Variants in TMEM94 observed in about 807,000 individuals in gnomAD.
The protein encoded by TMEM94 is transmembrane protein 94.
A neutral mutation model predicts 158.6 loss-of-function variants in TMEM94; 81 were observed. That is an observed-to-expected ratio of 0.51 (90% CI 0.43 to 0.61). The LOEUF is 0.61. Among genes scored for constraint, TMEM94 ranks in the 20% least tolerant of loss-of-function variants. The pLI, the probability that TMEM94 is intolerant of heterozygous loss-of-function variation, is 0.00. For synonymous variants in TMEM94, 751 were observed against 730.7 expected, an observed-to-expected ratio of 1.03 and a Z score of -0.45; for missense variants, 1,435 against 1,762.0, an observed-to-expected ratio of 0.81 and a Z score of 3.32.
chr17:75,465,941 C>G (rs1236687225), intron 1 of TMEM94, among the ~76,000 whole-genome samples: 2 of 151,698 alleles, frequency 1.3e-5, no homozygotes, highest in Non-Finnish European at 2.9e-5. Flanking sequence ...TTTTTAGAGG[C>G]AGGATCTTAC....
rs1438759280 is a variant in TMEM94, at chr17:75,498,171, G to A, written c.3490-4G>A. 8.1e-6 allele frequency: 13 copies of A among 1,613,652 alleles called. No individual in the cohort carries two copies. The highest frequency in any genetic ancestry group is 3.3e-5 in the Admixed American group (2 of 60,012). ...CCCAGGAGTGACTGGCCTTGTTCCC[G>A]CAGACCCAGCACTACTTCCTGCTCT... On this transcript the variant is annotated splice_polypyrimidine_tract_variant and splice_region_variant and intron_variant, in intron 27 of 31. Coordinates refer to ENST00000314256, the MANE Select transcript of TMEM94 (RefSeq NM_014738.6). This position sits in a 1 kb window ranked among gnomAD's most constrained non-coding sequence, Gnocchi z 6.7.
chr17:75,485,906 C>A lies in TMEM94; in HGVS notation c.180C>A (p.Asn60Lys). ...VWRSSFLHHS[N>K]RCSCFHWPGA... ...GAAGCAGCTTCCTCCACCACAGTAA[C>A]CGCTGCTCCTGCTTCCACTGGCCGG... Residue 60 changes from asparagine (N) to lysine (K), a missense_variant, in exon 4 of 32, where the codon AAC becomes AAA. Asn to Lys is a moderately conservative substitution (Grantham distance 94). This residue lies in a region of TMEM94 where 1,051 missense variants were observed against 1,254.4 expected (regional missense o/e 0.84). Transcript: ENST00000314256. The surrounding 1 kb of genome is among the most constrained non-coding windows in gnomAD (Gnocchi z 5.5). 3 of 1,613,516 alleles carry A rather than the reference C, an allele frequency of 1.9e-6. No individual in the cohort carries two copies. Among genetic ancestry groups the A allele is most frequent in the Non-Finnish European group, 2.5e-6 (3 of 1,179,808 alleles).
intron 1 of TMEM94, among the ~76,000 whole-genome samples, chr17:75,462,827 C>CA (rs1235590470): frequency 0.023 from 2,442 of 104,730 alleles, 78 homozygotes; most frequent in African/African-American, 0.082. Context: ...CTTGTGTCTA[C>CA]AAAAAAAAAA....
chr17:75,492,452 CT>C lies in TMEM94; in HGVS notation c.1597-21del. 1 of 1,557,782 alleles carries C rather than the reference CT, an allele frequency of 6.4e-7. No individual in the cohort carries two copies. The highest frequency in any genetic ancestry group is 8.7e-7 in the Non-Finnish European group (1 of 1,148,284). On this transcript the variant is annotated intron_variant, in intron 14 of 31. Coordinates refer to ENST00000314256, the MANE Select transcript of TMEM94 (RefSeq NM_014738.6). The surrounding 1 kb of genome is among the most constrained non-coding windows in gnomAD (Gnocchi z 4.4). ...CCCCACACCCTATCCCGGGCTGAGG[CT>C]CTCCTCCACATTTCCCCCAGACCCA...
Position 75,499,689 on chromosome 17 carries a change from C to T in TMEM94, c.*355C>T. On this transcript the variant is annotated 3_prime_UTR_variant, in exon 32 of 32. Coordinates refer to ENST00000314256, the MANE Select transcript of TMEM94 (RefSeq NM_014738.6). The stretch of plus-strand genomic sequence containing the variant: ...GGAGATCCCTTGCCCCCCAGTGCCT[C>T]TGCTCGTGGGTCCCTGGACACGGCC... 4.1e-6 allele frequency: 1 copy of T among 246,404 alleles called. No homozygotes were observed. Among genetic ancestry groups the T allele is most frequent in the South Asian group, 6.3e-5 (1 of 15,818 alleles). 15.3% of individuals were successfully genotyped at this position (246,404 alleles called of 1,614,324 possible). A position where few individuals can be genotyped will look rare whatever the true frequency, so the allele number is the denominator to read the frequency against.
At position 75,499,531 on chromosome 17, in the gene TMEM94, C is replaced by T. The variant is rs1246104541; in HGVS notation, c.*197C>T. ...ACTGTGGAGGAGCTGACGGCCTGGG[C>T]CCTTGGCCAGTCCTGGCTCTTCCCT... On this transcript the variant is annotated 3_prime_UTR_variant, in exon 32 of 32. Transcript: ENST00000314256. 3.3e-6 allele frequency: 2 copies of T among 608,714 alleles called. No homozygotes were observed. The highest frequency in any genetic ancestry group is 3.7e-5 in the African/African-American group (2 of 54,028). 37.7% of individuals were successfully genotyped at this position (608,714 alleles called of 1,614,324 possible).
chr17:75,475,922 CT>C (rs1469656766), intron 2 of TMEM94, among the ~76,000 whole-genome samples: 1 of 152,212 alleles, frequency 6.6e-6, no homozygotes, highest in Non-Finnish European at 1.5e-5. Context: ...GCTGCCTGGC[CT>C]TGGGCTTTGC....
chr17:75,476,891 C>T lies in TMEM94; in HGVS notation c.24+4962C>T, dbSNP rs1013642569. On this transcript the variant is annotated intron_variant, in intron 2 of 31. Transcript: ENST00000314256. ...CTTGAATGAGCATGGGTAGCTGGGA[C>T]CTGGGAAGGGGATTGGGAATGAGAG... 10 of 1,328,570 alleles carry T rather than the reference C, an allele frequency of 7.5e-6. No homozygotes were observed. In the African/African-American group the frequency reaches 1.3e-4, roughly 18 times the overall value. The allele number at this position is 1,328,570 out of a possible 1,614,324, so 82.3% of individuals were successfully genotyped here.
In TMEM94 at chr17:75,461,995, TG is replaced by T. The variant is rs1325545443; in HGVS notation, c.-107+5245del. On this transcript the variant is annotated intron_variant, in intron 1 of 31. Coordinates refer to ENST00000314256, the MANE Select transcript of TMEM94 (RefSeq NM_014738.6). The stretch of plus-strand genomic sequence containing the variant: ...CCTATATAAATTTTACAGTTTTTTT[TG>T]TTTTGTTTTGTTTTGTTTTTTTTTT... 1.3e-3 allele frequency among the ~76,000 whole-genome samples: 97 copies of T among 77,460 alleles called. 1 individual carries two copies. Among genetic ancestry groups the T allele is most frequent in the African/African-American group, 3.3e-3 (89 of 26,916 alleles). The allele number at this position is 77,460 out of a possible 152,430, so 50.8% of individuals were successfully genotyped here. A position where few individuals can be genotyped will look rare whatever the true frequency, so the allele number is the denominator to read the frequency against.
At position 75,485,420 on chromosome 17, in the gene TMEM94, G is replaced by A. The variant is rs369075099; in HGVS notation, c.25-8G>A. 1.7e-4 allele frequency: 268 copies of A among 1,607,930 alleles called. No individual in the cohort carries two copies. Among genetic ancestry groups the A allele is most frequent in the Non-Finnish European group, 2.2e-4 (260 of 1,175,296 alleles). Reference sequence around the variant, plus strand: ...CAGTGACGCCCAGCGCCTCCTGCTTGCCTGCAGGGCGAGCCTCCCTCAGCC... The same window carrying A: ...CAGTGACGCCCAGCGCCTCCTGCTTACCTGCAGGGCGAGCCTCCCTCAGCC... On this transcript the variant is annotated splice_region_variant and splice_polypyrimidine_tract_variant and intron_variant, in intron 2 of 31. Coordinates refer to ENST00000314256, the MANE Select transcript of TMEM94 (RefSeq NM_014738.6). This position sits in a 1 kb window ranked among gnomAD's most constrained non-coding sequence, Gnocchi z 5.5.
At position 75,477,985 on chromosome 17, in the gene TMEM94, A is replaced by G. The variant is rs577672154; in HGVS notation, c.24+6056A>G. 2.6e-3 allele frequency among the ~76,000 whole-genome samples: 362 copies of G among 140,062 alleles called. 2 individuals carry two copies. The highest frequency in any genetic ancestry group is 0.017 in the South Asian group (69 of 4,154). 91.9% of individuals were successfully genotyped at this position (140,062 alleles called of 152,430 possible). ...AGCACCACTGCACTCCAGCCTGGGC[A>G]ACAAAGCGAGACTCCATCTTTTTTT... is the stretch of plus-strand genomic sequence containing the variant. On this transcript the variant is annotated intron_variant, in intron 2 of 31. Coordinates refer to ENST00000314256, the MANE Select transcript of TMEM94 (RefSeq NM_014738.6).
chr17:75,481,659 G>A (rs1034669346), intron 2 of TMEM94, among the ~76,000 whole-genome samples: 1 of 152,272 alleles, frequency 6.6e-6, no homozygotes, highest in Non-Finnish European at 1.5e-5. Flanking sequence ...AGGACTCTGG[G>A]AGACAGAACT....
chr17:75,484,954 C>G (rs1465700190), intron 2 of TMEM94, among the ~76,000 whole-genome samples: 6 of 151,726 alleles, frequency 4.0e-5, no homozygotes, highest in Admixed American at 3.9e-4. Flanking sequence ...GGGAGAATCA[C>G]CAGAACCCGG....
intron 1 of TMEM94, among the ~76,000 whole-genome samples, chr17:75,468,613 ACTGT>A (rs2050389245): frequency 6.6e-6 from 1 of 152,170 alleles, no homozygotes; most frequent in Non-Finnish European, 1.5e-5. Context: ...TTCCAGCGTC[ACTGT>A]CTGTATCTGA....
intron 2 of TMEM94, among the ~76,000 whole-genome samples, chr17:75,481,348 G>A (rs573805829): frequency 4.1e-4 from 63 of 152,358 alleles, no homozygotes; most frequent in African/African-American, 1.3e-3. Flanking sequence ...GGGAAGAGGC[G>A]GCTCTTATCT....
In TMEM94 at chr17:75,489,225, C is replaced by T. The variant is rs1489985990; in HGVS notation, c.765-41C>T. The T allele has an allele frequency of 1.9e-6, 3 of 1,583,378 alleles. No individual in the cohort carries two copies. The highest frequency in any genetic ancestry group is 2.2e-5 in the South Asian group (2 of 90,426). On this transcript the variant is annotated intron_variant, in intron 7 of 31. Transcript: ENST00000314256. This position sits in a 1 kb window ranked among gnomAD's most constrained non-coding sequence, Gnocchi z 5.0. ...ATCCTCCCAAGGTGTAGGTTTCTAGCCTCTCTGCCAAGTGAGACTGACAGT... is the reference window on the plus strand; with the variant it reads ...ATCCTCCCAAGGTGTAGGTTTCTAGTCTCTCTGCCAAGTGAGACTGACAGT...
At chr17:75,488,321 G>T (rs2051808405) in intron 6 of TMEM94, among the ~76,000 whole-genome samples, 187 bp downstream of exon 6, 1 of 152,168 alleles carries the variant, frequency 6.6e-6, no homozygotes, top group Admixed American at 6.5e-5. Context: ...CTGTCGCCCA[G>T]GCTGGAGTGC....
At chr17:75,486,528 C>G (rs1189817126) in intron 5 of TMEM94, 102 bp downstream of exon 5, 5 of 1,419,136 alleles carry the variant, frequency 3.5e-6, no homozygotes, top group Non-Finnish European at 4.9e-6. Context: ...TTGCCTGTGG[C>G]CAGCATTGCA....
At chr17:75,464,672 CTTCCTTCTTTCTTTCT>C (rs1567906994) in intron 1 of TMEM94, among the ~76,000 whole-genome samples, 108 of 86,498 alleles carry the variant, frequency 1.2e-3, no homozygotes, top group East Asian at 2.6e-3. Context: ...TCCTTCCTTC[CTTCCTTCTTTCTTTCT>C]TTCTTTCTTT....
Sources: allele counts gnomAD v4.1 joint callset (sites outside exome capture counted in the v4.1 genomes callset), GRCh38; gene constraint gnomAD v4.1.1; regional missense constraint gnomAD v4.1.1; non-coding constraint Gnocchi (gnomAD v3.1); transcripts MANE v1.5; gene names NCBI Gene and HGNC (gene_info 2026-07-23, HGNC 2026-07-21).